The following ATP2C2 variants were observed in gnomAD, a reference collection of about 807,000 sequenced individuals.
ATP2C2 encodes ATPase secretory pathway Ca2+ transporting 2, also known as calcium-transporting ATPase type 2C member 2.
A neutral mutation model predicts 110.8 loss-of-function variants in ATP2C2; 171 were observed. The ratio of observed to expected loss-of-function variants is 1.54; its 90% CI spans 1.36 to 1.75. ATP2C2 has a LOEUF of 1.75. Ranked by LOEUF, ATP2C2 falls within the 40% of genes most tolerant of loss-of-function variation. The pLI is 0.00. For missense variants in ATP2C2, 1,963 were observed against 1,235.0 expected, an observed-to-expected ratio of 1.59 and a Z score of -8.84; for synonymous variants, 804 against 508.4, an observed-to-expected ratio of 1.58 and a Z score of -7.82.
intron 1 of ATP2C2, among the ~76,000 whole-genome samples, chr16:84,391,130 A>AG (rs1904637352): frequency 1.3e-5 from 2 of 151,350 alleles, no homozygotes; most frequent in African/African-American, 4.9e-5. Flanking sequence ...AAAAAAAAAA[A>AG]AAAAGAAGAA....
chr16:84,408,689 C>T (rs1341434211), intron 4 of ATP2C2, among the ~76,000 whole-genome samples, 195 bp downstream of exon 4: 1 of 152,112 alleles, frequency 6.6e-6, no homozygotes, highest in African/African-American at 2.4e-5. Flanking sequence ...TCGGCCACTG[C>T]TTGCTTGCTG....
chr16:84,463,551 C>A, intron 26 of ATP2C2, 63 bp from the exon 27 acceptor site: 1 of 1,419,592 alleles, frequency 7.0e-7, no homozygotes, highest in Non-Finnish European at 1.0e-6. Context: ...AGGGAAGGCG[C>A]TTCCTGCCGG....
chr16:84,389,453 C>G (rs1457857449), intron 1 of ATP2C2, among the ~76,000 whole-genome samples: 2 of 152,220 alleles, frequency 1.3e-5, no homozygotes, highest in African/African-American at 4.8e-5. Context: ...GACACACAGT[C>G]ATGGTTGAAT....
chr16:84,458,996 C>T (rs992899637), intron 21 of ATP2C2, 124 bp from the exon 22 acceptor site: 2 of 1,055,008 alleles, frequency 1.9e-6, no homozygotes, highest in African/African-American at 1.6e-5. Context: ...GCAAGGGGAA[C>T]CAGCAGGGGC....
At chr16:84,412,234 T>C (rs1295682272) in intron 6 of ATP2C2, among the ~76,000 whole-genome samples, 1 of 152,154 alleles carries the variant, frequency 6.6e-6, no homozygotes, top group Non-Finnish European at 1.5e-5. Context: ...TGCATTTTTA[T>C]TTTTTAAACC....
intron 1 of ATP2C2, among the ~76,000 whole-genome samples, chr16:84,396,734 A>G (rs572585929): frequency 2.6e-5 from 4 of 151,692 alleles, no homozygotes; most frequent in Admixed American, 6.6e-5. Context: ...GAATGGGGGG[A>G]AAAGTCTTGT....
intron 7 of ATP2C2, among the ~76,000 whole-genome samples, chr16:84,416,168 A>C (rs1336267531): frequency 1.3e-5 from 2 of 152,150 alleles, no homozygotes. Flanking sequence ...AGCGAGAAGC[A>C]CACGCTTTTA....
chr16:84,403,356 A>C (rs1184594326), intron 2 of ATP2C2, among the ~76,000 whole-genome samples: 1 of 152,168 alleles, frequency 6.6e-6, no homozygotes, highest in African/African-American at 2.4e-5. Context: ...CCCAGGCTCG[A>C]GTCCAGTGCT....
chr16:84,370,334 T>C lies in ATP2C2; in HGVS notation c.99+1620T>C, dbSNP rs138736843. Among the ~76,000 whole-genome samples, 703 of 152,300 alleles carry C rather than the reference T, an allele frequency of 4.6e-3. 8 individuals are homozygous for C. The highest frequency in any genetic ancestry group is 0.016 in the African/African-American group (668 of 41,582). On this transcript the variant is annotated intron_variant, in intron 1 of 26. Transcript: ENST00000262429. ...GCATCCTGAGGCCCTGGGTGCGTGA[T>C]GATGGGCAGTGTGCAGCGCCAGGAG...
chr16:84,433,026 T>A (rs1019334116), intron 11 of ATP2C2, among the ~76,000 whole-genome samples: 6 of 152,058 alleles, frequency 3.9e-5, no homozygotes, highest in African/African-American at 9.7e-5. Context: ...AGGGAGACAT[T>A]TGAGCCTCAA....
intron 15 of ATP2C2, among the ~76,000 whole-genome samples, chr16:84,443,463 C>A (rs116805602): frequency 9.5e-4 from 144 of 152,272 alleles, no homozygotes; most frequent in African/African-American, 3.3e-3. Context: ...AGGGAAAAGC[C>A]CGACTCAGGG....
At position 84,455,458 on chromosome 16, in the gene ATP2C2, A is replaced by C. The variant is rs373741620; in HGVS notation, c.2147+474A>C. On this transcript the variant is annotated intron_variant, in intron 21 of 26. Transcript: ENST00000262429. ...AGGCATTGCAAAGAGACCTGGGCAG[A>C]AACACCCCCATCGCTGACCACGGAG... Among the ~76,000 whole-genome samples, 15 of 152,308 alleles carry C rather than the reference A, an allele frequency of 9.8e-5. No homozygotes were observed. The East Asian group carries it at 2.7e-3, about 27-fold the overall frequency.
At chr16:84,451,458 G>A (rs12929064) in intron 17 of ATP2C2, among the ~76,000 whole-genome samples, 12,288 of 152,256 alleles carry the variant, frequency 0.081, 620 homozygotes, top group South Asian at 0.22. Flanking sequence ...AGAGCCGCTG[G>A]AGGCATCTCT....
chr16:84,430,139 T>C (rs1177210068), intron 11 of ATP2C2, among the ~76,000 whole-genome samples: 2 of 152,192 alleles, frequency 1.3e-5, no homozygotes, highest in African/African-American at 4.8e-5. Context: ...CACATTCACG[T>C]GTACCAGGAG....
At chr16:84,394,291 G>A (rs1333865422) in intron 1 of ATP2C2, among the ~76,000 whole-genome samples, 2 of 152,086 alleles carry the variant, frequency 1.3e-5, no homozygotes, top group Admixed American at 6.5e-5. Flanking sequence ...ACAATGTCGT[G>A]TGACCACCAC....
At chr16:84,447,533 G>T (rs1044258828) in intron 16 of ATP2C2, among the ~76,000 whole-genome samples, 1 of 151,004 alleles carries the variant, frequency 6.6e-6, no homozygotes, top group Admixed American at 6.6e-5. Flanking sequence ...TTCAAAACAA[G>T]GTCACTATTT....
rs189537178 is a variant in ATP2C2, at chr16:84,425,433, G to A, written c.920-302G>A. On this transcript the variant is annotated intron_variant, in intron 10 of 26. Coordinates refer to ENST00000262429, the MANE Select transcript of ATP2C2 (RefSeq NM_014861.4). ...ACATGGGGGGATGTTCTGGATACAC[G>A]CAGCCGACGGTAAACTTTGGGAATA... 6.6e-5 allele frequency among the ~76,000 whole-genome samples: 10 copies of A among 152,262 alleles called. No individual in the cohort carries two copies. In the East Asian group the frequency reaches 9.7e-4, roughly 15 times the overall value.
rs558329091 is a variant in ATP2C2, at chr16:84,452,183, G to A, written c.1831+92G>A. ...ACCAAAGGGAAGCCTCCGCAAACTCGGTCAGGAGTGCTCACGCCTAGCCCT... is the reference window on the plus strand; with the variant it reads ...ACCAAAGGGAAGCCTCCGCAAACTCAGTCAGGAGTGCTCACGCCTAGCCCT... On this transcript the variant is annotated intron_variant, in intron 18 of 26. Coordinates refer to ENST00000262429, the MANE Select transcript of ATP2C2 (RefSeq NM_014861.4). The A allele has an allele frequency of 3.4e-5, 51 of 1,492,792 alleles. No individual in the cohort carries two copies. The East Asian group carries it at 3.9e-4, about 11-fold the overall frequency. 92.5% of individuals were successfully genotyped at this position (1,492,792 alleles called of 1,614,324 possible). A position where few individuals can be genotyped will look rare whatever the true frequency, so the allele number is the denominator to read the frequency against.
chr16:84,403,291 A>G (rs1905462339), intron 2 of ATP2C2, among the ~76,000 whole-genome samples: 2 of 152,164 alleles, frequency 1.3e-5, no homozygotes, highest in African/African-American at 2.4e-5. Context: ...TACACAACAT[A>G]AAATTTACCA....
Sources: allele counts gnomAD v4.1 joint callset (sites outside exome capture counted in the v4.1 genomes callset), GRCh38; gene constraint gnomAD v4.1.1; transcripts MANE v1.5; gene names NCBI Gene and HGNC (gene_info 2026-07-23, HGNC 2026-07-21).